GALNT15: variants seen among roughly 807,000 people sequenced by gnomAD.
GALNT15 encodes UDP-GalNAc transferase T15.
Under a neutral mutation model 66.8 loss-of-function variants are expected in GALNT15, and 67 were observed. That is an observed-to-expected ratio of 1.00 (90% CI 0.82 to 1.23). The LOEUF (loss-of-function observed/expected upper bound fraction) is 1.23, where lower values mean the gene tolerates loss of function less well. GALNT15 is among the 50% of genes most tolerant of loss of function. The pLI is 0.00. For synonymous variants in GALNT15, 313 were observed against 311.5 expected, an observed-to-expected ratio of 1.00 and a Z score of -0.05; for missense variants, 827 against 804.3, an observed-to-expected ratio of 1.03 and a Z score of -0.34.
chr3:16,194,592 A>G (rs2063612644), intron 1 of GALNT15, among the ~76,000 whole-genome samples: 1 of 152,234 alleles, frequency 6.6e-6, no homozygotes. Context: ...AATGCCCATC[A>G]ATGATAGACT....
intron 1 of GALNT15, among the ~76,000 whole-genome samples, chr3:16,194,451 G>T (rs1219993242): frequency 6.6e-6 from 1 of 152,136 alleles, no homozygotes; most frequent in African/African-American, 2.4e-5. Flanking sequence ...TTGTCAGATG[G>T]ATAGATTGCA....
chr3:16,246,386 T>C, the GALNT15 span, among the ~76,000 whole-genome samples: 7 of 138,442 alleles, frequency 5.1e-5, no homozygotes, highest in African/African-American at 1.9e-4. Context: ...AGTGCAGTGG[T>C]GCAATCTCGG....
At chr3:16,231,578 A>G (rs142779838), downstream of GALNT15, among the ~76,000 whole-genome samples, 10 of 152,336 alleles carry the variant, frequency 6.6e-5, no homozygotes, top group East Asian at 1.9e-3. The surrounding 1 kb of genome is among the most constrained non-coding windows in gnomAD (Gnocchi z 4.1). Flanking sequence ...TTAAAAAAAG[A>G]ATCATCAGAA....
rs1033666502 is a variant in GALNT15 at position 16,176,273 on chromosome 3, C to T, written c.539+583C>T. ...ATAAAGTCCTGGAAAGTCCTCACAG[C>T]TCTGCAAGATGGGTGCTAGTAGTAT... On this transcript the variant is annotated intron_variant, in intron 1 of 9. Transcript: ENST00000339732. The surrounding 1 kb of genome is among the most constrained non-coding windows in gnomAD (Gnocchi z 5.6). Among the ~76,000 whole-genome samples the T allele has an allele frequency of 6.6e-6, 1 of 152,238 alleles. No individual in the cohort carries two copies. The highest frequency in any genetic ancestry group is 1.5e-5 in the Non-Finnish European group (1 of 68,050).
chr3:16,175,120 A>G lies in GALNT15; in HGVS notation c.-32A>G, dbSNP rs1038310502. 1.9e-6 allele frequency: 3 copies of G among 1,585,384 alleles called. No individual in the cohort carries two copies. Among genetic ancestry groups the G allele is most frequent in the African/African-American group, 2.7e-5 (2 of 74,536 alleles). On this transcript the variant is annotated 5_prime_UTR_variant, in exon 1 of 10. The change abolishes an upstream ATG in the 5' untranslated region. Transcript: ENST00000339732. This position sits in a 1 kb window ranked among gnomAD's most constrained non-coding sequence, Gnocchi z 5.6. ...GGAGCGGGAGAAAGCTAACTTGAAC[A>G]TGACCTGTTGCATTTGGCAAGTTCT...
chr3:16,175,504 G>T lies in GALNT15; in HGVS notation c.353G>T (p.Arg118Leu). The T allele has an allele frequency of 6.2e-7, 1 of 1,613,932 alleles. No homozygotes were observed. Among genetic ancestry groups the T allele is most frequent in the Non-Finnish European group, 8.5e-7 (1 of 1,179,914 alleles). The change falls in exon 1 of 10, where the codon CGC becomes CTC. Residue 118 changes from arginine to leucine, a missense_variant. Transcript: ENST00000339732. This position sits in a 1 kb window ranked among gnomAD's most constrained non-coding sequence, Gnocchi z 5.6. The part of the protein sequence containing the change: ...QSQGRRGGSY[R>L]LIKQPRRQDK... The stretch of plus-strand genomic sequence containing the variant: ...CAGGGCAGGAGAGGTGGGAGCTACC[G>T]CCTCATCAAGCAGCCAAGGAGGCAG...
rs1004829951 is a variant in GALNT15 at position 16,190,428 on chromosome 3, G to C, written c.540-5332G>C. ...CCGAGATGGGAGGATCACGAGGTCA[G>C]GAGATCGAGACCATCCTGGCTAACA... On this transcript the variant is annotated intron_variant, in intron 1 of 9. Coordinates refer to ENST00000339732, the MANE Select transcript of GALNT15 (RefSeq NM_054110.5). Among the ~76,000 whole-genome samples the C allele has an allele frequency of 9.2e-5, 14 of 152,158 alleles. 1 individual carries two copies. The highest frequency in any genetic ancestry group is 7.2e-4 in the Admixed American group (11 of 15,276).
At chr3:16,247,000 G>T in the GALNT15 span, among the ~76,000 whole-genome samples, 1 of 152,176 alleles carries the variant, frequency 6.6e-6, no homozygotes, top group Admixed American at 6.5e-5. Flanking sequence ...TCTTCAGAAT[G>T]TGGCTTTTCA....
At position 16,204,047 on chromosome 3, in the gene GALNT15, T is replaced by G. The variant is rs991938361; in HGVS notation, c.911+3224T>G. On this transcript the variant is annotated intron_variant, in intron 3 of 9. Transcript: ENST00000339732. This position sits in a 1 kb window ranked among gnomAD's most constrained non-coding sequence, Gnocchi z 4.5. Reference sequence around the variant, plus strand: ...AAGACAGAAAAGGGTCTTTAAGAGCTCTTATAAAAAAAAAAAAGTGGGGTG... The same window carrying G: ...AAGACAGAAAAGGGTCTTTAAGAGCGCTTATAAAAAAAAAAAAGTGGGGTG... 6.6e-6 allele frequency among the ~76,000 whole-genome samples: 1 copy of G among 150,932 alleles called. No individual in the cohort carries two copies. Among genetic ancestry groups the G allele is most frequent in the Non-Finnish European group, 1.5e-5 (1 of 67,824 alleles).
Position 16,195,706 on chromosome 3 carries a change from A to ATCTCGGTGGTC in GALNT15, c.540-54_540-53insTCTCGGTGGTC. 6.6e-7 allele frequency: 1 copy of ATCTCGGTGGTC among 1,520,164 alleles called. No homozygotes were observed. Among genetic ancestry groups the ATCTCGGTGGTC allele is most frequent in the Non-Finnish European group, 9.0e-7 (1 of 1,107,178 alleles). 94.2% of individuals were successfully genotyped at this position (1,520,164 alleles called of 1,614,324 possible). A position where few individuals can be genotyped will look rare whatever the true frequency, so the allele number is the denominator to read the frequency against. ...AAAGGAAGCGAGTTAGAGGGTGTGG[A>ATCTCGGTGGTC]GTGTTTCTTGTGGCCTTCTCTTCCC... is the stretch of plus-strand genomic sequence containing the variant. On this transcript the variant is annotated intron_variant, in intron 1 of 9. Transcript: ENST00000339732. The surrounding 1 kb of genome is among the most constrained non-coding windows in gnomAD (Gnocchi z 4.6).
downstream of GALNT15, among the ~76,000 whole-genome samples, chr3:16,234,625 C>G (rs980642034): frequency 1.3e-5 from 2 of 152,240 alleles, no homozygotes; most frequent in African/African-American, 4.8e-5. Flanking sequence ...GTTTCCTGGG[C>G]TCATCTTCCA....
In GALNT15 at chr3:16,176,073, G is replaced by A. The variant is rs375389593; in HGVS notation, c.539+383G>A. Among the ~76,000 whole-genome samples the A allele has an allele frequency of 6.6e-6, 1 of 151,966 alleles. No individual in the cohort carries two copies. Among genetic ancestry groups the A allele is most frequent in the Non-Finnish European group, 1.5e-5 (1 of 68,036 alleles). On this transcript the variant is annotated intron_variant, in intron 1 of 9. Coordinates refer to ENST00000339732, the MANE Select transcript of GALNT15 (RefSeq NM_054110.5). The surrounding 1 kb of genome is among the most constrained non-coding windows in gnomAD (Gnocchi z 5.6). ...TGGCTTTATTTCTATAACACAGAAG[G>A]GAGGTTAGAGCAGACATTTGCCAGT...
chr3:16,231,814 G>A (rs895183019), downstream of GALNT15: 8 of 1,535,880 alleles, frequency 5.2e-6, no homozygotes, highest in African/African-American at 1.1e-4. The surrounding 1 kb of genome is among the most constrained non-coding windows in gnomAD (Gnocchi z 4.1). Context: ...GGCCAACTCT[G>A]CTGCTGCTGA....
Position 16,175,643 on chromosome 3 carries a change from T to A in GALNT15, c.492T>A (p.Ser164Arg), listed in dbSNP as rs1175997819. The A allele has an allele frequency of 6.2e-7, 1 of 1,611,836 alleles. No homozygotes were observed. The highest frequency in any genetic ancestry group is 2.2e-5 in the East Asian group (1 of 44,884). Residue 164 changes from serine (S) to arginine (R), a missense_variant, in exon 1 of 10, where the codon AGT becomes AGA. By Grantham distance (110) the Ser-to-Arg change is moderately radical. Transcript: ENST00000339732. This position sits in a 1 kb window ranked among gnomAD's most constrained non-coding sequence, Gnocchi z 5.6. ...LDPRGLQEAL[S>R]ARIPLQRALP... ...CACGTGGCCTCCAGGAGGCACTCAG[T>A]GCCCGCATCCCCCTCCAGAGGGCTC...
intron 9 of GALNT15, 140 bp downstream of exon 9, chr3:16,222,898 AAGGCCTCAGGGGGAGG>A: frequency 9.9e-7 from 1 of 1,014,616 alleles, no homozygotes; most frequent in Non-Finnish European, 1.4e-6. Context: ...GCTGGGCAGT[AAGGCCTCAGGGGGAGG>A]AAAAGGCAAC....
Position 16,200,690 on chromosome 3 carries a change from A to G in GALNT15, c.778A>G (p.Arg260Gly). 1 of 1,609,776 alleles carries G rather than the reference A, an allele frequency of 6.2e-7. No individual in the cohort carries two copies. The highest frequency in any genetic ancestry group is 1.3e-5 in the African/African-American group (1 of 74,802). Residue 260 changes from arginine (R) to glycine (G), a missense_variant, in exon 3 of 10, where the codon AGG becomes GGG. Transcript: ENST00000339732. This position sits in a 1 kb window ranked among gnomAD's most constrained non-coding sequence, Gnocchi z 4.4. ...EGVKLLRSNK[R>G]LGAIRARMLG... ...GGTGAAGTTACTCAGGAGCAACAAG[A>G]GGCTGGGTGCCATCAGGGCCCGGAT...
chr3:16,204,721 T>C lies in GALNT15; in HGVS notation c.912-3782T>C, dbSNP rs2063739205. On this transcript the variant is annotated intron_variant, in intron 3 of 9. Transcript: ENST00000339732. The surrounding 1 kb of genome is among the most constrained non-coding windows in gnomAD (Gnocchi z 4.5). ...AGAAGCTGAACAAGTTATCTCTTAC[T>C]TGAAAATGGGTCTGGTCCCTATCTG... 6.6e-6 allele frequency among the ~76,000 whole-genome samples: 1 copy of C among 152,170 alleles called. No homozygotes were observed. Among genetic ancestry groups the C allele is most frequent in the Non-Finnish European group, 1.5e-5 (1 of 68,036 alleles).
chr3:16,175,831 CG>C lies in GALNT15; in HGVS notation c.539+142del, dbSNP rs2063403699. ...CAAGATGCAGTACCTGGGCCAGCAG[CG>C]TCAGCAGCCCCTGGGCACTGGTGGG... is the stretch of plus-strand genomic sequence containing the variant. On this transcript the variant is annotated intron_variant, in intron 1 of 9. Transcript: ENST00000339732. The surrounding 1 kb of genome is among the most constrained non-coding windows in gnomAD (Gnocchi z 5.6). The C allele has an allele frequency of 2.8e-6, 2 of 725,844 alleles. No homozygotes were observed. The highest frequency in any genetic ancestry group is 4.4e-6 in the Non-Finnish European group (2 of 457,776). 45.0% of individuals were successfully genotyped at this position (725,844 alleles called of 1,614,324 possible).
chr3:16,219,791 G>A lies in GALNT15; in HGVS notation c.1525-119G>A. 1.1e-6 allele frequency: 1 copy of A among 927,902 alleles called. No individual in the cohort carries two copies. Among genetic ancestry groups the A allele is most frequent in the East Asian group, 2.4e-5 (1 of 41,618 alleles). The allele number at this position is 927,902 out of a possible 1,614,324, so 57.5% of individuals were successfully genotyped here. A position where few individuals can be genotyped will look rare whatever the true frequency, so the allele number is the denominator to read the frequency against. ...TCAGCTTTACCACACCTGTTGTTGT[G>A]GCCTGAACAATGTGCCTTGGGCTGC... On this transcript the variant is annotated intron_variant, in intron 7 of 9. Coordinates refer to ENST00000339732, the MANE Select transcript of GALNT15 (RefSeq NM_054110.5). This position sits in a 1 kb window ranked among gnomAD's most constrained non-coding sequence, Gnocchi z 4.3.
Sources: allele counts gnomAD v4.1 joint callset (sites outside exome capture counted in the v4.1 genomes callset), GRCh38; gene constraint gnomAD v4.1.1; non-coding constraint Gnocchi (gnomAD v3.1); transcripts MANE v1.5; gene names NCBI Gene and HGNC (gene_info 2026-07-23, HGNC 2026-07-21).